The following ANKRD6 variants were observed in gnomAD, a reference collection of about 807,000 sequenced individuals.
The protein encoded by ANKRD6 is ankyrin repeat domain-containing protein 6.
ANKRD6 carries 56 observed loss-of-function variants against 82.3 expected under a neutral mutation model. That is an observed-to-expected ratio of 0.68 (90% CI 0.55 to 0.85). The LOEUF is 0.85. Ranked by LOEUF, ANKRD6 falls within the 40% of genes least tolerant of loss-of-function variation. The probability of loss-of-function intolerance (pLI) is 0.00; values close to 1 mark genes in which losing one functional copy is unlikely to be tolerated. For synonymous variants in ANKRD6, 347 were observed against 352.1 expected (o/e 0.99, Z 0.16); for missense variants, 852 against 907.6 (o/e 0.94, Z 0.79).
intron 1 of ANKRD6, among the ~76,000 whole-genome samples, chr6:89,472,150 T>C (rs530792005): frequency 2.0e-5 from 3 of 152,200 alleles, no homozygotes; most frequent in African/African-American, 7.2e-5. Flanking sequence ...TATGTACATG[T>C]CTCTGTGTCC....
chr6:89,435,511 A>G (rs556389414), intron 1 of ANKRD6, among the ~76,000 whole-genome samples: 4 of 152,292 alleles, frequency 2.6e-5, no homozygotes, highest in South Asian at 4.1e-4. Context: ...GAGCATTGTT[A>G]TTGAACTTAA....
chr6:89,520,196 A>G (rs1380562395), intron 1 of ANKRD6, among the ~76,000 whole-genome samples: 1 of 152,148 alleles, frequency 6.6e-6, no homozygotes, highest in African/African-American at 2.4e-5. Flanking sequence ...TGTTGCCCAG[A>G]CTGATCTTGA....
chr6:89,563,118 C>T (rs563488536), intron 1 of ANKRD6, among the ~76,000 whole-genome samples: 32 of 152,124 alleles, frequency 2.1e-4, no homozygotes, highest in Non-Finnish European at 3.5e-4. Flanking sequence ...GCAAATTCTC[C>T]AAAGTATAGG....
chr6:89,577,053 C>G (rs1198204651), intron 2 of ANKRD6, among the ~76,000 whole-genome samples: 9 of 152,024 alleles, frequency 5.9e-5, no homozygotes, highest in Non-Finnish European at 7.4e-5. Context: ...CCATGCCCAG[C>G]CTTCCTGGGC....
intron 1 of ANKRD6, among the ~76,000 whole-genome samples, chr6:89,519,523 T>C (rs1468929021): frequency 1.3e-5 from 2 of 152,218 alleles, no homozygotes; most frequent in Non-Finnish European, 2.9e-5. Context: ...TGGAGAAGAC[T>C]AGGTTGGAGA....
intron 2 of ANKRD6, among the ~76,000 whole-genome samples, chr6:89,585,088 A>T (rs995443328): frequency 6.6e-6 from 1 of 152,254 alleles, no homozygotes; most frequent in African/African-American, 2.4e-5. Context: ...CATTTAGTCC[A>T]TAACAAGCTA....
At chr6:89,471,807 G>A (rs141323684) in intron 1 of ANKRD6, among the ~76,000 whole-genome samples, 75 of 151,844 alleles carry the variant, frequency 4.9e-4, no homozygotes, top group African/African-American at 1.7e-3. Context: ...AAGCCTGACT[G>A]GAGTGGCTTC....
intron 1 of ANKRD6, among the ~76,000 whole-genome samples, chr6:89,476,081 C>T (rs901398959): frequency 2.0e-5 from 3 of 152,162 alleles, no homozygotes; most frequent in African/African-American, 7.2e-5. Flanking sequence ...CATAATGCCA[C>T]TCTTGATACA....
chr6:89,484,290 G>A (rs1421999678), intron 1 of ANKRD6, among the ~76,000 whole-genome samples: 2 of 152,160 alleles, frequency 1.3e-5, no homozygotes, highest in South Asian at 2.1e-4. Flanking sequence ...TGTGAAATAC[G>A]TGATGCGCTT....
chr6:89,528,102 C>T (rs977283255), intron 1 of ANKRD6, among the ~76,000 whole-genome samples: 6 of 152,226 alleles, frequency 3.9e-5, no homozygotes, highest in African/African-American at 9.6e-5. Context: ...TGAGCCCCAT[C>T]GCACCCAGCC....
intron 1 of ANKRD6, among the ~76,000 whole-genome samples, chr6:89,538,832 T>A (rs1446489993): frequency 1.3e-5 from 2 of 152,200 alleles, no homozygotes; most frequent in Admixed American, 1.3e-4. Flanking sequence ...CTCTTTGATA[T>A]TTTAATGATC....
In ANKRD6 at chr6:89,605,990, CTG is replaced by C; in HGVS notation, c.319-11_319-10del. The C allele has an allele frequency of 6.4e-7, 1 of 1,551,778 alleles. No individual in the cohort carries two copies. Among genetic ancestry groups the C allele is most frequent in the Non-Finnish European group, 8.8e-7 (1 of 1,140,292 alleles). ...GTCTTGGGTAATGTGCCTTTCCCACCTGTGTGTCTTCCTTAGGATGGGAATAC... is the reference window on the plus strand; with the variant it reads ...GTCTTGGGTAATGTGCCTTTCCCACCTGTGTCTTCCTTAGGATGGGAATAC... On this transcript the variant is annotated splice_polypyrimidine_tract_variant and intron_variant, in intron 4 of 15. Transcript: ENST00000339746.
chr6:89,587,701 A>C (rs1794057359), intron 2 of ANKRD6, among the ~76,000 whole-genome samples: 1 of 152,162 alleles, frequency 6.6e-6, no homozygotes, highest in African/African-American at 2.4e-5. Flanking sequence ...TTATCTTTTT[A>C]AAATTAGCCT....
chr6:89,467,328 G>A (rs965418033), intron 1 of ANKRD6, among the ~76,000 whole-genome samples: 3 of 152,038 alleles, frequency 2.0e-5, no homozygotes, highest in Non-Finnish European at 4.4e-5. Context: ...AGATATGCTG[G>A]GACATTTTTT....
At chr6:89,474,478 C>T (rs1261067929) in intron 1 of ANKRD6, among the ~76,000 whole-genome samples, 2 of 152,138 alleles carry the variant, frequency 1.3e-5, no homozygotes, top group Non-Finnish European at 2.9e-5. Flanking sequence ...AGTGCAGTGG[C>T]GGGATCTCGG....
Position 89,630,369 on chromosome 6 carries a change from C to G in ANKRD6, c.1613-64C>G, listed in dbSNP as rs1471514253. On this transcript the variant is annotated intron_variant, in intron 15 of 15. Transcript: ENST00000339746. Reference sequence around the variant, plus strand: ...GATCCTTAAGACTCTAAAATACTGACCCGCAGCCATATGACTGTGTGAATG... The same window carrying G: ...GATCCTTAAGACTCTAAAATACTGAGCCGCAGCCATATGACTGTGTGAATG... 7 of 1,540,122 alleles carry G rather than the reference C, an allele frequency of 4.5e-6. No individual in the cohort carries two copies. In the Admixed American group the frequency reaches 6.0e-5, roughly 13 times the overall value.
At chr6:89,537,540 G>T (rs1372871234) in intron 1 of ANKRD6, among the ~76,000 whole-genome samples, 3 of 151,992 alleles carry the variant, frequency 2.0e-5, no homozygotes, top group Non-Finnish European at 4.4e-5. Flanking sequence ...AACTTAATAT[G>T]CTCTGAGCGG....
chr6:89,629,844 C>T (rs1200574988), intron 15 of ANKRD6, among the ~76,000 whole-genome samples: 1 of 152,190 alleles, frequency 6.6e-6, no homozygotes, highest in African/African-American at 2.4e-5. Context: ...CACAGGCCAT[C>T]TCTGGAACTG....
At chr6:89,491,991 C>A (rs912399789) in intron 1 of ANKRD6, among the ~76,000 whole-genome samples, 1 of 152,180 alleles carries the variant, frequency 6.6e-6, no homozygotes, top group Non-Finnish European at 1.5e-5. Flanking sequence ...TCATACCCAG[C>A]ATAAAAAAAT....
Sources: gnomAD v4.1 joint callset for allele counts (sites outside exome capture counted in the v4.1 genomes callset) on GRCh38, gnomAD v4.1.1 for gene constraint, MANE v1.5 for transcripts, NCBI Gene and HGNC (gene_info 2026-07-23, HGNC 2026-07-21) for gene names.